The following CNTN4 variants were observed in gnomAD, a reference collection of about 807,000 sequenced individuals.
CNTN4 encodes the protein contactin-4.
In CNTN4, 77 loss-of-function variants were observed where a neutral mutation model predicts 122.5. The ratio of observed to expected loss-of-function variants is 0.63; its 90% confidence interval spans 0.52 to 0.76. The LOEUF (loss-of-function observed/expected upper bound fraction) is 0.76, where lower values mean the gene tolerates loss of function less well. CNTN4 is among the 30% of genes least tolerant of loss of function. The pLI is 0.00. For missense variants in CNTN4, 1,256 were observed against 1,259.1 expected, an observed-to-expected ratio of 1.00 and a Z score of 0.04; for synonymous variants, 512 against 447.0, an observed-to-expected ratio of 1.15 and a Z score of -1.83.
In CNTN4 at chr3:2,723,557, C is replaced by T. The variant is rs535102631; in HGVS notation, c.56-12658C>T. 5.3e-5 allele frequency among the ~76,000 whole-genome samples: 8 copies of T among 152,204 alleles called. No individual in the cohort carries two copies. The South Asian group carries it at 6.2e-4, about 12-fold the overall frequency. ...AGGGGATGAAGGCTGTGTCTTCACA[C>T]GGTGGAAGGGACAAAAAGGCAAGAG... On this transcript the variant is annotated intron_variant, in intron 4 of 24. Transcript: ENST00000418658.
At chr3:2,863,128 A>G (rs1384267926) in intron 7 of CNTN4, among the ~76,000 whole-genome samples, 2 of 152,196 alleles carry the variant, frequency 1.3e-5, no homozygotes, top group African/African-American at 2.4e-5. Flanking sequence ...TTTGATGTCT[A>G]CATTCTCATT....
At chr3:2,631,865 CAA>C (rs1157671569) in intron 4 of CNTN4, among the ~76,000 whole-genome samples, 1 of 70,178 alleles carries the variant, frequency 1.4e-5, no homozygotes, top group African/African-American at 5.3e-5. Flanking sequence ...CGTATCTCTA[CAA>C]AAAAAAAAAA....
At chr3:2,317,988 T>C (rs1392726401) in intron 2 of CNTN4, among the ~76,000 whole-genome samples, 2 of 152,196 alleles carry the variant, frequency 1.3e-5, no homozygotes, top group Non-Finnish European at 2.9e-5. Context: ...TTGTATTTCT[T>C]TAGATTTAAG....
At chr3:2,886,422 AAAAG>A (rs1217152710) in intron 9 of CNTN4, among the ~76,000 whole-genome samples, 4 of 151,826 alleles carry the variant, frequency 2.6e-5, no homozygotes, top group Admixed American at 6.6e-5. Context: ...TATTAAAAAA[AAAAG>A]AAAAGCAAAA....
At chr3:2,592,147 T>C (rs1229288293) in intron 4 of CNTN4, among the ~76,000 whole-genome samples, 1 of 152,090 alleles carries the variant, frequency 6.6e-6, no homozygotes, top group East Asian at 1.9e-4. Flanking sequence ...TCTGAAAGTG[T>C]TGGACTTAGA....
At chr3:2,143,078 G>A (rs1420559961) in intron 2 of CNTN4, among the ~76,000 whole-genome samples, 2 of 152,258 alleles carry the variant, frequency 1.3e-5, no homozygotes, top group East Asian at 1.9e-4. Flanking sequence ...GGAGCACCAC[G>A]TTCACTGCCT....
intron 4 of CNTN4, among the ~76,000 whole-genome samples, chr3:2,589,758 T>G (rs2728061): frequency 6.6e-6 from 1 of 152,174 alleles, no homozygotes; most frequent in Non-Finnish European, 1.5e-5. Flanking sequence ...CAGTCACATA[T>G]GTGACTGGCA....
At position 2,833,453 on chromosome 3, in the gene CNTN4, A is replaced by G. The variant is rs961342878; in HGVS notation, c.454+13872A>G. ...GGTAGTAAAGTTCCAACCCATATGT[A>G]ATCAATGTAATTGGTAAAGACAGGT... is the stretch of plus-strand genomic sequence containing the variant. On this transcript the variant is annotated intron_variant, in intron 7 of 24. Transcript: ENST00000418658. 3.5e-5 allele frequency among the ~76,000 whole-genome samples: 4 copies of G among 114,002 alleles called. No homozygotes were observed. In the Admixed American group the frequency reaches 3.8e-4, roughly 11 times the overall value. 74.8% of individuals were successfully genotyped at this position (114,002 alleles called of 152,430 possible).
At chr3:2,602,850 G>A (rs139844535) in intron 4 of CNTN4, among the ~76,000 whole-genome samples, 1 of 152,170 alleles carries the variant, frequency 6.6e-6, no homozygotes, top group Admixed American at 6.5e-5. Context: ...CCCACTGAAT[G>A]TGCTTTCTTA....
intron 14 of CNTN4, among the ~76,000 whole-genome samples, chr3:2,990,427 A>G (rs1694952375): frequency 6.6e-6 from 1 of 152,244 alleles, no homozygotes; most frequent in Non-Finnish European, 1.5e-5. Flanking sequence ...AGCTAAGCAT[A>G]GAAACCATAT....
At chr3:2,285,159 A>T (rs907139005) in intron 2 of CNTN4, among the ~76,000 whole-genome samples, 11 of 152,222 alleles carry the variant, frequency 7.2e-5, no homozygotes, top group African/African-American at 2.6e-4. Context: ...ATTGTCAAAC[A>T]TGTAGAGATT....
intron 4 of CNTN4, among the ~76,000 whole-genome samples, chr3:2,654,897 A>G (rs1353626668): frequency 1.3e-5 from 2 of 152,064 alleles, no homozygotes; most frequent in Admixed American, 6.6e-5. Context: ...CCCAGATAAC[A>G]CAGGGAAGGA....
At chr3:2,746,167 C>T (rs2089759736) in intron 6 of CNTN4, among the ~76,000 whole-genome samples, 1 of 152,016 alleles carries the variant, frequency 6.6e-6, no homozygotes. Flanking sequence ...TTAGTAGAGT[C>T]AATAAGAGAA....
chr3:2,425,164 G>A (rs896032275), intron 3 of CNTN4, among the ~76,000 whole-genome samples: 3 of 152,108 alleles, frequency 2.0e-5, no homozygotes, highest in South Asian at 2.1e-4. Flanking sequence ...GTCCTGAATC[G>A]TATTGCCTAG....
At chr3:2,308,267 T>C (rs1319957404) in intron 2 of CNTN4, among the ~76,000 whole-genome samples, 1 of 152,074 alleles carries the variant, frequency 6.6e-6, no homozygotes, top group Non-Finnish European at 1.5e-5. Flanking sequence ...CCTTTTATTC[T>C]CAATTTTAGG....
intron 12 of CNTN4, among the ~76,000 whole-genome samples, chr3:2,917,984 G>A (rs1352489472): frequency 1.3e-5 from 2 of 152,080 alleles, no homozygotes; most frequent in African/African-American, 4.8e-5. Context: ...GAAGACCATG[G>A]TTCTTCTAGA....
At chr3:2,842,561 C>T (rs1050468763) in intron 7 of CNTN4, among the ~76,000 whole-genome samples, 2 of 152,182 alleles carry the variant, frequency 1.3e-5, no homozygotes, top group South Asian at 2.1e-4. Flanking sequence ...GCTCCTCTTA[C>T]GGCAAAACTG....
chr3:2,313,890 A>T (rs1484104308), intron 2 of CNTN4, among the ~76,000 whole-genome samples: 1 of 151,892 alleles, frequency 6.6e-6, no homozygotes, highest in Non-Finnish European at 1.5e-5. Flanking sequence ...TTTTCTGTCT[A>T]GTAAGAGATG....
At chr3:2,217,138 G>T (rs1231573974) in intron 2 of CNTN4, among the ~76,000 whole-genome samples, 1 of 152,092 alleles carries the variant, frequency 6.6e-6, no homozygotes, top group Admixed American at 6.6e-5. Flanking sequence ...CTGAAATTCA[G>T]TCTGCTTCCC....
Sources: gnomAD v4.1 joint callset for allele counts (sites outside exome capture counted in the v4.1 genomes callset) on GRCh38, gnomAD v4.1.1 for gene constraint, MANE v1.5 for transcripts, NCBI Gene and HGNC (gene_info 2026-07-23, HGNC 2026-07-21) for gene names.